SND1: variants seen among roughly 807,000 people sequenced by gnomAD.
SND1 encodes staphylococcal nuclease and tudor domain containing 1.
A neutral mutation model predicts 121.7 loss-of-function variants in SND1; 38 were observed. The observed-to-expected ratio is 0.31, with a 90% CI of 0.24 to 0.41. The LOEUF (loss-of-function observed/expected upper bound fraction) is 0.41, where lower values mean the gene tolerates loss of function less well. SND1 is among the 10% of genes least tolerant of loss of function. The probability of loss-of-function intolerance (pLI) is 1.00; values close to 1 mark genes in which losing one functional copy is unlikely to be tolerated. For missense variants in SND1, 868 were observed against 1,184.6 expected, an observed-to-expected ratio of 0.73 and a Z score of 3.92; for synonymous variants, 401 against 447.4, an observed-to-expected ratio of 0.90 and a Z score of 1.31.
intron 11 of SND1, among the ~76,000 whole-genome samples, chr7:127,823,687 A>C (rs1798592589): frequency 6.6e-6 from 1 of 152,212 alleles, no homozygotes; most frequent in Non-Finnish European, 1.5e-5. Flanking sequence ...TGCCTCTCTC[A>C]ACATTTTCGA....
intron 16 of SND1, among the ~76,000 whole-genome samples, chr7:127,993,702 A>C (rs1354961639): frequency 2.0e-5 from 3 of 152,104 alleles, no homozygotes; most frequent in Non-Finnish European, 2.9e-5. Context: ...CTTCCCTTTA[A>C]AGTTTTAAAT....
intron 10 of SND1, among the ~76,000 whole-genome samples, chr7:127,723,443 C>G (rs1442597147): frequency 6.6e-6 from 1 of 152,034 alleles, no homozygotes; most frequent in Non-Finnish European, 1.5e-5. Flanking sequence ...CATTTTAAGA[C>G]AGTTCTAAGT....
At chr7:127,838,408 A>G (rs1462466754) in intron 11 of SND1, among the ~76,000 whole-genome samples, 3 of 152,154 alleles carry the variant, frequency 2.0e-5, no homozygotes, top group African/African-American at 7.2e-5. Flanking sequence ...TATATCCTAC[A>G]CTGTTAAGCC....
In SND1 at chr7:128,085,650, G is replaced by C; in HGVS notation, c.2235-61G>C. Reference sequence around the variant, plus strand: ...GTGCCCCTGCCCCGCCATTGCTGAGGCTCTGGGAGCCCAGAGTCCTCAGGG... The same window carrying C: ...GTGCCCCTGCCCCGCCATTGCTGAGCCTCTGGGAGCCCAGAGTCCTCAGGG... On this transcript the variant is annotated intron_variant, in intron 19 of 23. Transcript: ENST00000354725. The surrounding 1 kb of genome is among the most constrained non-coding windows in gnomAD (Gnocchi z 4.4). 6.8e-7 allele frequency: 1 copy of C among 1,471,814 alleles called. No homozygotes were observed. The highest frequency in any genetic ancestry group is 1.7e-5 in the Admixed American group (1 of 59,304). The allele number at this position is 1,471,814 out of a possible 1,614,324, so 91.2% of individuals were successfully genotyped here. A position where few individuals can be genotyped will look rare whatever the true frequency, so the allele number is the denominator to read the frequency against.
Position 127,686,636 on chromosome 7 carries a change from T to C in SND1, c.102T>C (p.Ile34=), listed in dbSNP as rs907718518. Reference sequence around the variant, plus strand: ...AGGTCCTCTCAGGGTGCGCCATCATTGTCCGAGGTCAGCCTCGTGGTGGGC... The same window carrying C: ...AGGTCCTCTCAGGGTGCGCCATCATCGTCCGAGGTCAGCCTCGTGGTGGGC... ...IKMVLSGCAI[I]VRGQPRGGPP... The change falls in exon 2 of 24, where the codon ATT becomes ATC. Residue 34 remains isoleucine (I), a synonymous_variant. Coordinates refer to ENST00000354725, the MANE Select transcript of SND1 (RefSeq NM_014390.4). The C allele has an allele frequency of 1.9e-6, 3 of 1,614,006 alleles. No homozygotes were observed. The highest frequency in any genetic ancestry group is 3.3e-5 in the Admixed American group (2 of 59,998).
chr7:127,730,537 T>G (rs1172530845), intron 10 of SND1, among the ~76,000 whole-genome samples: 2 of 152,234 alleles, frequency 1.3e-5, no homozygotes, highest in African/African-American at 2.4e-5. Flanking sequence ...AATATCCCCT[T>G]TATGTGTGTT....
intron 10 of SND1, among the ~76,000 whole-genome samples, chr7:127,769,743 A>G (rs1412902706): frequency 1.3e-5 from 2 of 152,188 alleles, no homozygotes; most frequent in Non-Finnish European, 2.9e-5. Flanking sequence ...GATGTATTTA[A>G]TGAGGAATTC....
intron 12 of SND1, among the ~76,000 whole-genome samples, chr7:127,864,466 T>C (rs1799432226): frequency 6.6e-6 from 1 of 151,948 alleles, no homozygotes; most frequent in African/African-American, 2.4e-5. Context: ...CATGTCCTTG[T>C]TTTTCTGGGT....
At chr7:127,784,483 C>T (rs946942960) in intron 10 of SND1, among the ~76,000 whole-genome samples, 1 of 152,222 alleles carries the variant, frequency 6.6e-6, no homozygotes, top group Admixed American at 6.5e-5. Flanking sequence ...TCTCCCCTCT[C>T]CTACTTCTGA....
chr7:127,848,965 A>G (rs990410973), intron 12 of SND1, among the ~76,000 whole-genome samples: 1 of 152,208 alleles, frequency 6.6e-6, no homozygotes, highest in Non-Finnish European at 1.5e-5. Context: ...AACAAGGTTC[A>G]TCATTCCTCT....
At chr7:127,765,457 G>T (rs1797394267) in intron 10 of SND1, among the ~76,000 whole-genome samples, 1 of 152,210 alleles carries the variant, frequency 6.6e-6, no homozygotes, top group African/African-American at 2.4e-5. Flanking sequence ...TGCACAGTGA[G>T]AATAGTAAAA....
intron 4 of SND1, among the ~76,000 whole-genome samples, chr7:127,699,749 T>A (rs970451208): frequency 6.6e-6 from 1 of 152,200 alleles, no homozygotes; most frequent in Non-Finnish European, 1.5e-5. Flanking sequence ...CATCTATAAT[T>A]TGGAGGCTAT....
At chr7:127,887,639 A>AT (rs57655542) in intron 12 of SND1, among the ~76,000 whole-genome samples, 21,715 of 144,960 alleles carry the variant, frequency 0.15, 1,937 homozygotes, top group African/African-American at 0.26. Flanking sequence ...CTTTTTACAG[A>AT]TTTTTTTTTT....
chr7:128,013,200 G>A (rs1803152781), intron 16 of SND1, among the ~76,000 whole-genome samples: 1 of 152,174 alleles, frequency 6.6e-6, no homozygotes, highest in African/African-American at 2.4e-5. Flanking sequence ...TGGACAGGAG[G>A]AGGCAGGGGC....
intron 10 of SND1, among the ~76,000 whole-genome samples, chr7:127,805,363 T>C (rs1438886492): frequency 6.6e-6 from 1 of 152,206 alleles, no homozygotes; most frequent in Non-Finnish European, 1.5e-5. Flanking sequence ...AGTATGTTGA[T>C]TTCCACATAT....
chr7:127,810,596 T>G (rs1266168489), intron 11 of SND1, among the ~76,000 whole-genome samples: 1 of 152,254 alleles, frequency 6.6e-6, no homozygotes, highest in Non-Finnish European at 1.5e-5. Context: ...ATGGTGAGAC[T>G]GGTGTCCTTA....
At chr7:128,055,408 G>A (rs1015371059) in intron 16 of SND1, among the ~76,000 whole-genome samples, 1 of 152,126 alleles carries the variant, frequency 6.6e-6, no homozygotes. Flanking sequence ...CAGAGTAATG[G>A]CAGCAGGGGA....
At chr7:127,844,750 A>T (rs560426225) in intron 12 of SND1, among the ~76,000 whole-genome samples, 2 of 152,234 alleles carry the variant, frequency 1.3e-5, no homozygotes, top group Non-Finnish European at 2.9e-5. Context: ...TGGTCTCTGC[A>T]TATTGGTTTA....
At chr7:127,861,252 A>G (rs1563039039) in intron 12 of SND1, among the ~76,000 whole-genome samples, 1 of 152,168 alleles carries the variant, frequency 6.6e-6, no homozygotes. Flanking sequence ...TAACCCTTCA[A>G]GGTTGCTTTT....
Sources: gnomAD v4.1 joint callset for allele counts (sites outside exome capture counted in the v4.1 genomes callset) on GRCh38, gnomAD v4.1.1 for gene constraint, Gnocchi (gnomAD v3.1) non-coding constraint, MANE v1.5 for transcripts, NCBI Gene and HGNC (gene_info 2026-07-23, HGNC 2026-07-21) for gene names.